LRRIQ1: variants seen among roughly 807,000 people sequenced by gnomAD.
LRRIQ1 encodes the protein leucine rich repeats and IQ motif containing 1.
LRRIQ1 carries 210 observed loss-of-function variants against 211.9 expected under a neutral mutation model. That is an observed-to-expected ratio of 0.99 (90% CI 0.89 to 1.11). The LOEUF (loss-of-function observed/expected upper bound fraction) is 1.11. LRRIQ1 is among the 50% of genes most tolerant of loss of function. LRRIQ1 has a pLI of 0.00. For missense variants in LRRIQ1, 2,136 were observed against 1,939.5 expected (o/e 1.10, Z -1.90); for synonymous variants, 699 against 650.1 (o/e 1.08, Z -1.14).
chr12:85,267,566 G>A (rs566418002), downstream of LRRIQ1, among the ~76,000 whole-genome samples: 2 of 152,134 alleles, frequency 1.3e-5, no homozygotes, highest in African/African-American at 4.8e-5. Flanking sequence ...TTGGATTCAA[G>A]AGTTCTCTAC....
chr12:85,144,379 T>C (rs1482728638), intron 19 of LRRIQ1, among the ~76,000 whole-genome samples: 1 of 151,538 alleles, frequency 6.6e-6, no homozygotes, highest in Non-Finnish European at 1.5e-5. Flanking sequence ...TATAAATATA[T>C]AGTAGAAAAT....
intron 24 of LRRIQ1, among the ~76,000 whole-genome samples, chr12:85,172,327 A>G (rs1181243785): frequency 1.3e-5 from 2 of 152,286 alleles, no homozygotes; most frequent in South Asian, 2.1e-4. Context: ...GAGAATTACT[A>G]CAACATCTTG....
intron 11 of LRRIQ1, among the ~76,000 whole-genome samples, chr12:85,092,136 A>T (rs1885457180): frequency 1.3e-5 from 2 of 152,170 alleles, no homozygotes; most frequent in South Asian, 4.1e-4. Flanking sequence ...ATTTGCAGAG[A>T]GTTTTGACTG....
intron 23 of LRRIQ1, among the ~76,000 whole-genome samples, chr12:85,159,212 A>G (rs1890725365): frequency 6.6e-6 from 1 of 152,020 alleles, no homozygotes; most frequent in Non-Finnish European, 1.5e-5. Context: ...TGATTGTTTT[A>G]TTATTTGGCC....
chr12:85,092,433 C>T (rs76698588), intron 11 of LRRIQ1, among the ~76,000 whole-genome samples: 1,758 of 152,186 alleles, frequency 0.012, 23 homozygotes, highest in East Asian at 0.074. Context: ...ACAAGATAAC[C>T]TCAGCCAAAA....
chr12:85,176,346 A>G (rs1891697306), intron 24 of LRRIQ1, among the ~76,000 whole-genome samples: 1 of 151,998 alleles, frequency 6.6e-6, no homozygotes, highest in Non-Finnish European at 1.5e-5. Flanking sequence ...TGATTTTTGT[A>G]CATTGATTTT....
Position 85,038,172 on chromosome 12 carries a change from G to A in LRRIQ1, c.-5G>A. 1 of 1,543,142 alleles carries A rather than the reference G, an allele frequency of 6.5e-7. No individual in the cohort carries two copies. The highest frequency in any genetic ancestry group is 8.8e-7 in the Non-Finnish European group (1 of 1,142,632). On this transcript the variant is annotated 5_prime_UTR_variant, in exon 2 of 27. Coordinates refer to ENST00000393217, the MANE Select transcript of LRRIQ1 (RefSeq NM_001079910.2). ...AAGCAGTTCTGTGCTTTATTATGAA[G>A]AATAATGGACGATGATGATGCAAAG...
At chr12:85,157,351 G>C (rs758084414) in intron 23 of LRRIQ1, among the ~76,000 whole-genome samples, 70 of 151,868 alleles carry the variant, frequency 4.6e-4, no homozygotes, top group Non-Finnish European at 9.4e-4. Flanking sequence ...AAAATTGTGA[G>C]GAGTTATCAT....
At chr12:85,196,152 A>G (rs1892896816) in intron 24 of LRRIQ1, among the ~76,000 whole-genome samples, 1 of 152,124 alleles carries the variant, frequency 6.6e-6, no homozygotes, top group South Asian at 2.1e-4. Flanking sequence ...GAGAACTACA[A>G]ACCACTGCTC....
intron 15 of LRRIQ1, among the ~76,000 whole-genome samples, chr12:85,112,564 T>G (rs769785365): frequency 5.3e-5 from 8 of 151,068 alleles, no homozygotes; most frequent in Non-Finnish European, 1.2e-4. Context: ...CTTTGGGTAC[T>G]GGGGATTCTG....
At chr12:85,184,757 A>G (rs536106624) in intron 24 of LRRIQ1, among the ~76,000 whole-genome samples, 14 of 152,078 alleles carry the variant, frequency 9.2e-5, no homozygotes, top group Admixed American at 3.9e-4. Flanking sequence ...TAATGTTATG[A>G]AATGTTAATT....
intron 1 of LRRIQ1, among the ~76,000 whole-genome samples, chr12:85,257,059 T>TATATTA (rs1194731398): frequency 6.9e-5 from 8 of 116,238 alleles, no homozygotes; most frequent in African/African-American, 2.8e-4. Context: ...TATATATAAT[T>TATATTA]ATATAATTAT....
chr12:85,221,534 C>T (rs764308009), intron 24 of LRRIQ1, among the ~76,000 whole-genome samples: 1 of 152,056 alleles, frequency 6.6e-6, no homozygotes, highest in Non-Finnish European at 1.5e-5. Flanking sequence ...GTATACCTAA[C>T]CTAATTTAAA....
chr12:85,179,325 G>A lies in LRRIQ1; in HGVS notation c.4822+18611G>A, dbSNP rs1891869298. 2.6e-5 allele frequency among the ~76,000 whole-genome samples: 4 copies of A among 151,884 alleles called. No individual in the cohort carries two copies. The South Asian group carries it at 8.3e-4, about 31-fold the overall frequency. ...TCTCTTGCCTTGAAATATTGTAATA[G>A]TGTCCTTGTGCAGTGCTTTTCAACA... On this transcript the variant is annotated intron_variant, in intron 24 of 26. Transcript: ENST00000393217.
intron 11 of LRRIQ1, among the ~76,000 whole-genome samples, chr12:85,093,884 GTTTGAGCATTA>G (rs1378685812): frequency 6.6e-6 from 1 of 152,168 alleles, no homozygotes; most frequent in Non-Finnish European, 1.5e-5. Flanking sequence ...TTTCAAAAGA[GTTTGAGCATTA>G]TTTCCCAACC....
chr12:85,075,977 A>C lies in LRRIQ1; in HGVS notation c.2887+2879A>C, dbSNP rs75389803. Among the ~76,000 whole-genome samples the C allele has an allele frequency of 8.9e-3, 1,362 of 152,244 alleles. 19 individuals carry two copies. Among genetic ancestry groups the C allele is most frequent in the African/African-American group, 0.029 (1,211 of 41,566 alleles). ...GACAGGATTTGAAACTCAGCAGTCT[A>C]TCTCTAGTGCCTAATTTTTAAATTA... On this transcript the variant is annotated intron_variant, in intron 11 of 26. Coordinates refer to ENST00000393217, the MANE Select transcript of LRRIQ1 (RefSeq NM_001079910.2).
At chr12:85,114,014 G>T (rs1426727461) in intron 15 of LRRIQ1, among the ~76,000 whole-genome samples, 3 of 150,808 alleles carry the variant, frequency 2.0e-5, no homozygotes, top group African/African-American at 7.3e-5. Flanking sequence ...ATCTGGAATA[G>T]AAGCAATCGA....
At chr12:85,076,531 G>A in intron 11 of LRRIQ1, 1 of 517,298 alleles carries the variant, frequency 1.9e-6, no homozygotes, top group Non-Finnish European at 2.5e-6. Context: ...GAGATACTAA[G>A]AGTTTTTTTC....
intron 11 of LRRIQ1, among the ~76,000 whole-genome samples, chr12:85,079,477 C>T (rs1160902270): frequency 6.6e-6 from 1 of 151,938 alleles, no homozygotes; most frequent in Non-Finnish European, 1.5e-5. Flanking sequence ...CCTGCCTCCA[C>T]CTCCCAAAGT....
Sources: gnomAD v4.1 joint callset for allele counts (sites outside exome capture counted in the v4.1 genomes callset) on GRCh38, gnomAD v4.1.1 for gene constraint, MANE v1.5 for transcripts, NCBI Gene and HGNC (gene_info 2026-07-23, HGNC 2026-07-21) for gene names.